Variants in TPR observed in about 807,000 individuals in gnomAD.
The protein encoded by TPR is translocated promoter region, nuclear basket protein, also known as nucleoprotein TPR.
A neutral mutation model predicts 316.1 loss-of-function variants in TPR; 51 were observed. That is an observed-to-expected ratio of 0.16 (90% confidence interval 0.13 to 0.20). TPR has a LOEUF of 0.20. Ranked by LOEUF, TPR falls within the 10% of genes least tolerant of loss-of-function variation. TPR has a pLI of 1.00. For missense variants in TPR, 2,272 were observed against 2,754.8 expected, an observed-to-expected ratio of 0.82 and a Z score of 3.92; for synonymous variants, 981 against 914.7, an observed-to-expected ratio of 1.07 and a Z score of -1.31.
chr1:186,350,541 A>C (rs942844354), intron 20 of TPR, among the ~76,000 whole-genome samples, 153 bp from the exon 21 acceptor site: 1 of 152,190 alleles, frequency 6.6e-6, no homozygotes, highest in African/African-American at 2.4e-5. Flanking sequence ...ACCAGACAAA[A>C]CACATGAAAC....
intron 25 of TPR, 74 bp from the exon 26 acceptor site, chr1:186,344,164 G>C: frequency 6.7e-7 from 1 of 1,503,484 alleles, no homozygotes; most frequent in Non-Finnish European, 8.9e-7. Flanking sequence ...GCCAGGCGCG[G>C]TGGCTAACGC....
At chr1:186,335,307 A>C (rs1558003087) in intron 34 of TPR, 31 bp downstream of exon 34, 1 of 1,606,630 alleles carries the variant, frequency 6.2e-7, no homozygotes, top group East Asian at 2.2e-5. Flanking sequence ...AAGAAAAACA[A>C]TTTGTTACTT....
chr1:186,342,789 C>T (rs575542105), intron 27 of TPR: 7 of 152,294 alleles, frequency 4.6e-5, no homozygotes, highest in East Asian at 3.9e-4. Flanking sequence ...AGGAGTCAAG[C>T]TTGTCTTATT....
At position 186,375,155 on chromosome 1, in the gene TPR, G is replaced by C. The variant is rs1256971903; in HGVS notation, c.-127C>G. The C allele has an allele frequency of 1.9e-6, 3 of 1,543,974 alleles. No homozygotes were observed. The African/African-American group carries it at 4.1e-5, about 21-fold the overall frequency. ...TCACCTCGCTCGGTGGCTCGCGCGC[G>C]CCCGCCCGCCGGAGACTCCCGCGGC... On this transcript the variant is annotated 5_prime_UTR_variant, in exon 1 of 51. Coordinates refer to ENST00000367478, the MANE Select transcript of TPR (RefSeq NM_003292.3).
chr1:186,347,292 C>G lies in TPR; in HGVS notation c.2943G>C (p.Gln981His), dbSNP rs772315608. The change falls in exon 22 of 51, where the codon CAG (glutamine) becomes CAC (histidine). Residue 981 changes from glutamine (Q) to histidine (H), a missense_variant and splice_region_variant. Gln to His is a conservative substitution (Grantham distance 24, BLOSUM62 0). Transcript: ENST00000367478. The part of the protein sequence containing the change: ...SLEESLNKEK[Q>H]VTEEVRKNIE... ...ATTCTGAATTCAGAATTATACATAC[C>G]TGTTTTTCCTTGTTCAGGGATTCTT... The G allele has an allele frequency of 5.6e-6, 9 of 1,612,944 alleles. No homozygotes were observed. The Admixed American group carries it at 1.0e-4, about 18-fold the overall frequency.
At chr1:186,366,233 A>C (rs980291826) in intron 4 of TPR, among the ~76,000 whole-genome samples, 1 of 152,230 alleles carries the variant, frequency 6.6e-6, no homozygotes, top group African/African-American at 2.4e-5. Flanking sequence ...AACCTGACCC[A>C]GCAAGACCAA....
In TPR at chr1:186,318,843, G is replaced by C. The variant is rs371976266; in HGVS notation, c.6569-15C>G. The C allele has an allele frequency of 1.6e-4, 256 of 1,602,862 alleles. No homozygotes were observed. The highest frequency in any genetic ancestry group is 2.0e-4 in the Non-Finnish European group (235 of 1,173,388). ...CATTCCTAAACCTAAAGACAATTCT[G>C]AATATTAATGAATGACTGAAAAAAA... On this transcript the variant is annotated splice_polypyrimidine_tract_variant and intron_variant, in intron 46 of 50. Coordinates refer to ENST00000367478, the MANE Select transcript of TPR (RefSeq NM_003292.3).
At chr1:186,344,909 T>C (rs1658629188) in intron 24 of TPR, among the ~76,000 whole-genome samples, 1 of 152,166 alleles carries the variant, frequency 6.6e-6, no homozygotes, top group Admixed American at 6.5e-5. Flanking sequence ...CATTTTAAAA[T>C]AGCAATATAC....
chr1:186,343,251 G>A lies in TPR; in HGVS notation c.3750+75C>T, dbSNP rs150410014. On this transcript the variant is annotated intron_variant, in intron 27 of 50. Transcript: ENST00000367478. ...TACTTCAAGTTAAATTTTACATTAC[G>A]TTAAATGGTAGAGATATAAATGAGT... The A allele has an allele frequency of 1.9e-3, 2,860 of 1,512,104 alleles. 4 individuals carry two copies. The highest frequency in any genetic ancestry group is 2.3e-3 in the Non-Finnish European group (2,647 of 1,131,760). The allele number at this position is 1,512,104 out of a possible 1,614,324, so 93.7% of individuals were successfully genotyped here.
Position 186,336,700 on chromosome 1 carries a change from A to C in TPR, c.4507-6T>G, listed in dbSNP as rs927330065. On this transcript the variant is annotated splice_region_variant and splice_polypyrimidine_tract_variant and intron_variant, in intron 32 of 50. Coordinates refer to ENST00000367478, the MANE Select transcript of TPR (RefSeq NM_003292.3). ...GTCTCTTTTTCAGATAATGTCTTTA[A>C]AGGAAAACAAAGTATTCACCATGGA... is the stretch of plus-strand genomic sequence containing the variant. 1.9e-6 allele frequency: 3 copies of C among 1,610,246 alleles called. No individual in the cohort carries two copies. The highest frequency in any genetic ancestry group is 2.5e-6 in the Non-Finnish European group (3 of 1,178,204).
chr1:186,336,094 A>G (rs1283458067), intron 33 of TPR, among the ~76,000 whole-genome samples: 1 of 152,060 alleles, frequency 6.6e-6, no homozygotes, highest in Admixed American at 6.6e-5. Flanking sequence ...TCTCCCTGAA[A>G]AGCTAGAGGG....
chr1:186,335,041 A>C, intron 35 of TPR, 27 bp downstream of exon 35: 2 of 1,602,652 alleles, frequency 1.2e-6, no homozygotes, highest in Non-Finnish European at 1.7e-6. Flanking sequence ...AAGAAAAATA[A>C]CAGACTATGA....
intron 21 of TPR, among the ~76,000 whole-genome samples, chr1:186,349,303 A>C (rs1453684253): frequency 6.6e-6 from 1 of 152,192 alleles, no homozygotes; most frequent in Admixed American, 6.5e-5. Flanking sequence ...AGGTTGAAAA[A>C]CTGTGTAAAT....
At chr1:186,345,263 A>G (rs1571620357) in intron 24 of TPR, among the ~76,000 whole-genome samples, 1 of 152,318 alleles carries the variant, frequency 6.6e-6, no homozygotes, top group South Asian at 2.1e-4. Flanking sequence ...AATCAACTGT[A>G]TCTGTAATTT....
At position 186,323,783 on chromosome 1, in the gene TPR, G is replaced by T; in HGVS notation, c.6200C>A (p.Ala2067Asp). Residue 2067 changes from alanine (A) to aspartate (D), a missense_variant, in exon 43 of 51, where the codon GCC becomes GAC. Ala to Asp is a moderately radical substitution (Grantham distance 126, BLOSUM62 -2). Around this residue, in one of 10 missense-constraint regions of TPR, gnomAD observed 435 missense variants for 461.1 expected, o/e 0.94. Coordinates refer to ENST00000367478, the MANE Select transcript of TPR (RefSeq NM_003292.3). ...TCTCGGTGACTGAGGTGCTCGAGGG[G>T]CCTGTCTTTCAGATGCTGATGATGG... is the stretch of plus-strand genomic sequence containing the variant. ...QQPSSASERQAPRAPQSPRRP... is the reference protein window; with the variant it reads ...QQPSSASERQDPRAPQSPRRP... 2 of 1,544,384 alleles carry T rather than the reference G, an allele frequency of 1.3e-6. No individual in the cohort carries two copies. Among genetic ancestry groups the T allele is most frequent in the South Asian group, 1.3e-5 (1 of 79,640 alleles).
chr1:186,322,542 C>T lies in TPR; in HGVS notation c.6342G>A (p.Gln2114=), dbSNP rs1405389132. Residue 2114 remains glutamine, a synonymous_variant, in exon 44 of 51, where the codon CAG becomes CAA. Transcript: ENST00000367478. The part of the protein sequence containing the change: ...TRRQSVGRGL[Q]LTPGIGGMQQ... ...CCATGCCACCTATTCCTGGAGTCAA[C>T]TGAAGGCCACGTCCTACAGACTGCC... The T allele has an allele frequency of 6.2e-7, 1 of 1,614,112 alleles. No individual in the cohort carries two copies. Among genetic ancestry groups the T allele is most frequent in the Non-Finnish European group, 8.5e-7 (1 of 1,179,970 alleles).
chr1:186,326,612 G>A (rs1439863946), intron 40 of TPR, among the ~76,000 whole-genome samples: 1 of 151,670 alleles, frequency 6.6e-6, no homozygotes, highest in Non-Finnish European at 1.5e-5. Flanking sequence ...AAAATAAGAA[G>A]CTGTCAATAT....
At chr1:186,343,304 T>C (rs776199549) in intron 27 of TPR, 22 bp downstream of exon 27, 1 of 1,597,386 alleles carries the variant, frequency 6.3e-7, no homozygotes, top group Admixed American at 1.8e-5. Context: ...ACAAGTGCTT[T>C]CTTAAAGCTT....
rs1658348007 is a variant in TPR, at chr1:186,336,649, T to C, written c.4552A>G (p.Thr1518Ala). The change falls in exon 33 of 51, where the codon ACT (threonine) becomes GCT (alanine). Residue 1518 changes from threonine to alanine, a missense_variant. Thr to Ala is a moderately conservative substitution (Grantham distance 58). Transcript: ENST00000367478. ...ETEARNLQEQ[T>A]VQLQSELSRL... is the part of the protein sequence containing the mutation. ...GAAAGTTCAGACTGAAGTTGCACAG[T>C]CTGTTCCTGGAGATTTCTTGCTTCT... The C allele has an allele frequency of 6.2e-7, 1 of 1,613,798 alleles. No homozygotes were observed. Among genetic ancestry groups the C allele is most frequent in the East Asian group, 2.2e-5 (1 of 44,876 alleles).
Sources: allele counts gnomAD v4.1 joint callset (sites outside exome capture counted in the v4.1 genomes callset), GRCh38; gene constraint gnomAD v4.1.1; regional missense constraint gnomAD v4.1.1; transcripts MANE v1.5; gene names NCBI Gene and HGNC (gene_info 2026-07-23, HGNC 2026-07-21).